The following FARS2 variants were observed in gnomAD, a reference collection of about 807,000 sequenced individuals.
FARS2 encodes phenylalanyl-tRNA synthetase 2, mitochondrial.
Under a neutral mutation model 46.4 loss-of-function variants are expected in FARS2, and 40 were observed. The ratio of observed to expected loss-of-function variants is 0.86; its 90% CI spans 0.67 to 1.12. The LOEUF (loss-of-function observed/expected upper bound fraction) is 1.12, where lower values mean the gene tolerates loss of function less well. Among genes scored for constraint, FARS2 ranks in the 50% most tolerant of loss-of-function variants. The pLI is 0.00. For synonymous variants in FARS2, 234 were observed against 214.9 expected, an observed-to-expected ratio of 1.09 and a Z score of -0.78; for missense variants, 513 against 567.9, an observed-to-expected ratio of 0.90 and a Z score of 0.98.
intron 6 of FARS2, among the ~76,000 whole-genome samples, chr6:5,735,160 G>C (rs1760872067): frequency 6.6e-6 from 1 of 152,218 alleles, no homozygotes; most frequent in Middle Eastern, 3.4e-3. Flanking sequence ...CGTACCCCTG[G>C]CTACATTTAT....
intron 6 of FARS2, among the ~76,000 whole-genome samples, chr6:5,639,500 A>G (rs1776703963): frequency 6.6e-6 from 1 of 152,236 alleles, no homozygotes; most frequent in South Asian, 2.1e-4. Context: ...GGGATTTTCA[A>G]GAATGAGAAG....
chr6:5,251,591 T>C, the FARS2 span, among the ~76,000 whole-genome samples: 1 of 152,204 alleles, frequency 6.6e-6, no homozygotes, highest in Admixed American at 6.5e-5. Flanking sequence ...TCACTCATTA[T>C]TGTGAGGACA....
At chr6:5,536,812 T>C (rs527692637) in intron 4 of FARS2, among the ~76,000 whole-genome samples, 3 of 152,346 alleles carry the variant, frequency 2.0e-5, no homozygotes, top group Non-Finnish European at 4.4e-5. Context: ...CTTCTCACTG[T>C]AGAAGCTTCT....
At chr6:5,609,095 C>G (rs1775017600) in intron 5 of FARS2, 3 of 626,916 alleles carry the variant, frequency 4.8e-6, no homozygotes, top group African/African-American at 1.8e-5. Flanking sequence ...GAGTATTTGT[C>G]TAAAATATGT....
chr6:5,755,420 A>G (rs894095042), intron 6 of FARS2, among the ~76,000 whole-genome samples: 1 of 151,560 alleles, frequency 6.6e-6, no homozygotes, highest in African/African-American at 2.4e-5. Flanking sequence ...ACTCCCACTT[A>G]TGAGTGAGAA....
chr6:5,582,157 A>C (rs1406282330), intron 5 of FARS2, among the ~76,000 whole-genome samples: 1 of 119,206 alleles, frequency 8.4e-6, no homozygotes, highest in African/African-American at 3.2e-5. Context: ...ATGTGCTTTT[A>C]TAAATGGTCA....
In FARS2 at chr6:5,617,267, T is replaced by C. The variant is rs147182343; in HGVS notation, c.1217+3947T>C. 5.8e-4 allele frequency among the ~76,000 whole-genome samples: 88 copies of C among 152,386 alleles called. 4 individuals are homozygous for C. The East Asian group carries it at 0.016, about 28-fold the overall frequency. On this transcript the variant is annotated intron_variant, in intron 6 of 6. Coordinates refer to ENST00000274680, the MANE Select transcript of FARS2 (RefSeq NM_006567.5). ...CTTCTGAAGGAGACAGTACTTTTGA[T>C]TAGAAATTTGAAAACATTCTTCATT...
In FARS2 at chr6:5,562,729, G is replaced by GCAA. The variant is rs1561715171; in HGVS notation, c.1065+17389_1065+17390insCAA. On this transcript the variant is annotated intron_variant, in intron 5 of 6. Transcript: ENST00000274680. Reference sequence around the variant, plus strand: ...ACACACACACACACACACACACACAGTGTTTTTCATTGTGTTAAATCTTTG... The same window carrying GCAA: ...ACACACACACACACACACACACACAGCAATGTTTTTCATTGTGTTAAATCTTTG... Among the ~76,000 whole-genome samples, 3 of 141,156 alleles carry GCAA rather than the reference G, an allele frequency of 2.1e-5. No individual in the cohort carries two copies. The East Asian group carries it at 5.9e-4, about 28-fold the overall frequency. The allele number at this position is 141,156 out of a possible 152,430, so 92.6% of individuals were successfully genotyped here.
chr6:5,613,732 C>G (rs893698440), intron 6 of FARS2, among the ~76,000 whole-genome samples: 5 of 152,290 alleles, frequency 3.3e-5, no homozygotes, highest in Admixed American at 2.6e-4. Flanking sequence ...TATATTACGT[C>G]CTAGGAATTA....
chr6:5,606,397 A>G (rs1042679019), intron 5 of FARS2, among the ~76,000 whole-genome samples: 3 of 151,920 alleles, frequency 2.0e-5, no homozygotes, highest in South Asian at 2.2e-4. Flanking sequence ...GAAGACAAAC[A>G]TGAAGCTAGA....
intron 4 of FARS2, among the ~76,000 whole-genome samples, chr6:5,542,127 G>C (rs1770676368): frequency 6.6e-6 from 1 of 152,094 alleles, no homozygotes; most frequent in Non-Finnish European, 1.5e-5. Flanking sequence ...TTTCTCAGCA[G>C]GGTTTTTGTG....
At position 5,717,935 on chromosome 6, in the gene FARS2, T is replaced by TAGAGAGAGAGAGAGAGAGAGAGAGAGAG. The variant is rs546191530; in HGVS notation, c.1218-53355_1218-53354insGAGAGAGAGAGAGAGAGAGAGAGAGAGA. ...ATATATATATATATATATATATATA[T>TAGAGAGAGAGAGAGAGAGAGAGAGAGAG]ACAGAGTCTCACTCTGTCGCCCAGG... On this transcript the variant is annotated intron_variant, in intron 6 of 6. Transcript: ENST00000274680. Among the ~76,000 whole-genome samples, 70 of 135,638 alleles carry TAGAGAGAGAGAGAGAGAGAGAGAGAGAG rather than the reference T, an allele frequency of 5.2e-4. 1 individual carries two copies. Among genetic ancestry groups the TAGAGAGAGAGAGAGAGAGAGAGAGAGAG allele is most frequent in the South Asian group, 1.6e-3 (7 of 4,290 alleles). The allele number at this position is 135,638 out of a possible 152,430, so 89.0% of individuals were successfully genotyped here.
At chr6:5,561,490 T>C (rs1445769913) in intron 5 of FARS2, among the ~76,000 whole-genome samples, 2 of 152,168 alleles carry the variant, frequency 1.3e-5, no homozygotes, top group African/African-American at 2.4e-5. Context: ...TCTTTGAAGA[T>C]GCTATTTCTG....
At position 5,503,403 on chromosome 6, in the gene FARS2, CACAGAGAGAGAGAG is replaced by C. The variant is rs1767922822; in HGVS notation, c.905-41775_905-41762del. Among the ~76,000 whole-genome samples, 4 of 74,300 alleles carry C rather than the reference CACAGAGAGAGAGAG, an allele frequency of 5.4e-5. No homozygotes were observed. In the South Asian group the frequency reaches 1.3e-3, roughly 24 times the overall value. 48.7% of individuals were successfully genotyped at this position (74,300 alleles called of 152,430 possible). A position where few individuals can be genotyped will look rare whatever the true frequency, so the allele number is the denominator to read the frequency against. On this transcript the variant is annotated intron_variant, in intron 4 of 6. Transcript: ENST00000274680. ...ACACACACACACACACACACACACACACAGAGAGAGAGAGAGAGAGAGAGAGAGAGATAACTGTG... is the reference window on the plus strand; with the variant it reads ...ACACACACACACACACACACACACACAGAGAGAGAGAGAGAGATAACTGTG...
intron 5 of FARS2, among the ~76,000 whole-genome samples, chr6:5,559,029 A>C (rs1470050246): frequency 6.6e-6 from 1 of 152,124 alleles, no homozygotes; most frequent in Non-Finnish European, 1.5e-5. Context: ...TAACTTGCTG[A>C]TAAAAATGTA....
intron 1 of FARS2, among the ~76,000 whole-genome samples, chr6:5,293,888 G>C (rs2127519064): frequency 1.3e-5 from 2 of 152,274 alleles, no homozygotes; most frequent in Admixed American, 1.3e-4. Context: ...ATTAGAGGTG[G>C]CAGGTCTGCC....
At chr6:5,580,172 C>T (rs1471131178) in intron 5 of FARS2, among the ~76,000 whole-genome samples, 2 of 151,006 alleles carry the variant, frequency 1.3e-5, no homozygotes, top group Non-Finnish European at 2.9e-5. Context: ...CACCTGTAAT[C>T]CCAGCTACTC....
chr6:5,532,579 G>T (rs898372518), intron 4 of FARS2, among the ~76,000 whole-genome samples: 1 of 152,106 alleles, frequency 6.6e-6, no homozygotes, highest in African/African-American at 2.4e-5. Flanking sequence ...GTGAAACCCT[G>T]TCTCTACCAA....
At chr6:5,711,085 A>G (rs1029937408) in intron 6 of FARS2, among the ~76,000 whole-genome samples, 1 of 152,198 alleles carries the variant, frequency 6.6e-6, no homozygotes, top group Non-Finnish European at 1.5e-5. Context: ...ATATCTCATA[A>G]TGCCAGAAAA....
Sources: gnomAD v4.1 joint callset for allele counts (sites outside exome capture counted in the v4.1 genomes callset) on GRCh38, gnomAD v4.1.1 for gene constraint, MANE v1.5 for transcripts, NCBI Gene and HGNC (gene_info 2026-07-23, HGNC 2026-07-21) for gene names.